CHODL: variants seen among roughly 807,000 people sequenced by gnomAD.
CHODL encodes chondrolectin.
Under a neutral mutation model 34.5 loss-of-function variants are expected in CHODL, and 29 were observed. That is an observed-to-expected ratio of 0.84 (90% CI 0.63 to 1.15). The LOEUF is 1.15. Ranked by LOEUF, CHODL falls within the 50% of genes most tolerant of loss-of-function variation. The probability of loss-of-function intolerance (pLI) is 0.00; values close to 1 mark genes in which losing one functional copy is unlikely to be tolerated. For missense variants in CHODL, 332 were observed against 332.5 expected, an observed-to-expected ratio of 1.00 and a Z score of 0.01; for synonymous variants, 125 against 116.1, an observed-to-expected ratio of 1.08 and a Z score of -0.49.
intron 2 of CHODL, among the ~76,000 whole-genome samples, chr21:18,174,141 A>G (rs866833841): frequency 8.5e-6 from 1 of 117,356 alleles, no homozygotes; most frequent in East Asian, 2.5e-4. Flanking sequence ...ATATATATAT[A>G]TATATATATA....
At chr21:18,207,836 A>G (rs187606075) in intron 2 of CHODL, among the ~76,000 whole-genome samples, 1 of 151,932 alleles carries the variant, frequency 6.6e-6, no homozygotes, top group Non-Finnish European at 1.5e-5. Context: ...TATTGCAGAT[A>G]TATTTTATTT....
At chr21:18,212,692 A>G (rs2073786117) in intron 2 of CHODL, among the ~76,000 whole-genome samples, 1 of 152,130 alleles carries the variant, frequency 6.6e-6, no homozygotes, top group Non-Finnish European at 1.5e-5. Flanking sequence ...TTTAATCAGG[A>G]AAAGTTTTAT....
chr21:18,008,805 C>T (rs1360531972), intron 1 of CHODL, among the ~76,000 whole-genome samples: 2 of 152,116 alleles, frequency 1.3e-5, no homozygotes, highest in Non-Finnish European at 2.9e-5. Flanking sequence ...TTTTATGTTA[C>T]TCCGTTGGCA....
At chr21:18,263,252 A>G (rs149288659) in intron 5 of CHODL, among the ~76,000 whole-genome samples, 56 of 152,328 alleles carry the variant, frequency 3.7e-4, no homozygotes, top group African/African-American at 1.3e-3. Context: ...TTTATGAAGT[A>G]TAAGAATTAA....
intron 2 of CHODL, among the ~76,000 whole-genome samples, chr21:18,179,367 C>T (rs903379943): frequency 1.3e-5 from 2 of 152,148 alleles, no homozygotes; most frequent in African/African-American, 4.8e-5. Context: ...TCATTTCTGT[C>T]ATTCTACTCA....
chr21:18,150,800 G>A (rs1046210507), intron 2 of CHODL, among the ~76,000 whole-genome samples: 2 of 152,042 alleles, frequency 1.3e-5, no homozygotes, highest in African/African-American at 2.4e-5. Flanking sequence ...GAAATTCTCT[G>A]ACCTGGCCGG....
At chr21:17,983,016 C>T (rs2063726545) in intron 1 of CHODL, among the ~76,000 whole-genome samples, 1 of 151,974 alleles carries the variant, frequency 6.6e-6, no homozygotes, top group Admixed American at 6.6e-5. Flanking sequence ...TGAGCCACCG[C>T]ATTCATCGCC....
chr21:17,931,353 A>G (rs2063272101), intron 1 of CHODL, among the ~76,000 whole-genome samples: 1 of 152,236 alleles, frequency 6.6e-6, no homozygotes, highest in African/African-American at 2.4e-5. Context: ...AATAAAAGCT[A>G]AAGGACGCTA....
intron 1 of CHODL, among the ~76,000 whole-genome samples, chr21:18,008,310 GTT>G (rs1201751166): frequency 2.4e-4 from 18 of 74,472 alleles, no homozygotes; most frequent in Admixed American, 1.8e-3. Flanking sequence ...AAATTTCTTT[GTT>G]TGTGTGTGTG....
intron 2 of CHODL, among the ~76,000 whole-genome samples, chr21:18,041,944 G>A (rs1224858575): frequency 6.6e-6 from 1 of 151,812 alleles, no homozygotes; most frequent in Non-Finnish European, 1.5e-5. Context: ...GATTTAGGAT[G>A]ATATGGGAAG....
intron 1 of CHODL, among the ~76,000 whole-genome samples, chr21:18,003,888 C>G (rs899657467): frequency 6.6e-6 from 1 of 152,152 alleles, no homozygotes; most frequent in Non-Finnish European, 1.5e-5. Flanking sequence ...AAAGCAGAAT[C>G]ACATCTAGGT....
At chr21:18,098,031 C>T (rs907562892) in intron 2 of CHODL, among the ~76,000 whole-genome samples, 11 of 151,870 alleles carry the variant, frequency 7.2e-5, no homozygotes, top group Admixed American at 4.6e-4. Flanking sequence ...GAAACTAGAC[C>T]CCTATGTCTC....
intron 2 of CHODL, among the ~76,000 whole-genome samples, chr21:18,171,812 C>T (rs897030492): frequency 6.8e-6 from 1 of 146,674 alleles, no homozygotes; most frequent in African/African-American, 2.5e-5. Flanking sequence ...CATATGTGTC[C>T]ACTAGGTCTC....
chr21:18,071,884 G>GTC (rs1228626761), intron 2 of CHODL, among the ~76,000 whole-genome samples: 1 of 151,948 alleles, frequency 6.6e-6, no homozygotes, highest in East Asian at 1.9e-4. Context: ...GCTTACTTTT[G>GTC]TCTTAATCTT....
intron 1 of CHODL, among the ~76,000 whole-genome samples, chr21:17,949,579 G>C (rs930497706): frequency 6.6e-6 from 1 of 152,102 alleles, no homozygotes; most frequent in Non-Finnish European, 1.5e-5. Context: ...TCCTGAATTT[G>C]TCATAAACCT....
chr21:17,961,075 G>A (rs2063528728), intron 1 of CHODL, among the ~76,000 whole-genome samples: 1 of 152,048 alleles, frequency 6.6e-6, no homozygotes, highest in Non-Finnish European at 1.5e-5. Context: ...TATATTCCGA[G>A]TGCCTAATAG....
chr21:18,177,256 AT>A (rs2073327461), intron 2 of CHODL, among the ~76,000 whole-genome samples: 1 of 152,102 alleles, frequency 6.6e-6, no homozygotes, highest in Non-Finnish European at 1.5e-5. Context: ...CAAGGCAGGC[AT>A]TAGTAAACCT....
chr21:18,073,010 T>C (rs1360429393), intron 2 of CHODL, among the ~76,000 whole-genome samples: 2 of 152,168 alleles, frequency 1.3e-5, no homozygotes, highest in Admixed American at 1.3e-4. Context: ...AGGCTTCTTA[T>C]CAATGTGTAA....
At chr21:17,946,259 T>G (rs2063407738) in intron 1 of CHODL, among the ~76,000 whole-genome samples, 1 of 152,086 alleles carries the variant, frequency 6.6e-6, no homozygotes. Flanking sequence ...CTACTAAAAA[T>G]ACATAAAAAA....
Sources: allele counts gnomAD v4.1 joint callset (sites outside exome capture counted in the v4.1 genomes callset), GRCh38; gene constraint gnomAD v4.1.1; transcripts MANE v1.5; gene names NCBI Gene and HGNC (gene_info 2026-07-23, HGNC 2026-07-21).